The following INPP4B variants were observed in gnomAD, a reference collection of about 807,000 sequenced individuals.
INPP4B encodes the protein inositol polyphosphate 4-phosphatase type II.
Under a neutral mutation model 122.5 loss-of-function variants are expected in INPP4B, and 55 were observed. The ratio of observed to expected loss-of-function variants is 0.45; its 90% confidence interval spans 0.36 to 0.56. The LOEUF (loss-of-function observed/expected upper bound fraction) is 0.56, where lower values mean the gene tolerates loss of function less well. Among genes scored for constraint, INPP4B ranks in the 20% least tolerant of loss-of-function variants. The probability of loss-of-function intolerance (pLI) is 0.00; values close to 1 mark genes in which losing one functional copy is unlikely to be tolerated. For synonymous variants in INPP4B, 403 were observed against 388.7 expected (o/e 1.04, Z -0.43); for missense variants, 1,000 against 1,097.7 (o/e 0.91, Z 1.26).
chr4:142,147,854 G>T (rs1811626703), intron 17 of INPP4B, among the ~76,000 whole-genome samples: 1 of 152,128 alleles, frequency 6.6e-6, no homozygotes, highest in Non-Finnish European at 1.5e-5. Context: ...TCTGCCTGTT[G>T]TCTGAGAAAA....
chr4:142,205,306 C>A (rs922959764), intron 14 of INPP4B, among the ~76,000 whole-genome samples: 1 of 152,094 alleles, frequency 6.6e-6, no homozygotes, highest in African/African-American at 2.4e-5. Flanking sequence ...CCAAACAAAT[C>A]TATCTGGTTT....
rs568221959 is a variant in INPP4B, at chr4:142,623,223, A to T, written c.-191+102616T>A. 4.0e-5 allele frequency among the ~76,000 whole-genome samples: 6 copies of T among 151,886 alleles called. No homozygotes were observed. In the East Asian group the frequency reaches 7.8e-4, roughly 20 times the overall value. On this transcript the variant is annotated intron_variant, in intron 2 of 25. Coordinates refer to ENST00000262992, the MANE Select transcript of INPP4B (RefSeq NM_001101669.3). Reference sequence around the variant, plus strand: ...CTCTACTCCTATTGTACCTGCTTCAATTCAGTCTGACACCGTCCATTTCTA... The same window carrying T: ...CTCTACTCCTATTGTACCTGCTTCATTTCAGTCTGACACCGTCCATTTCTA...
chr4:142,593,775 T>A (rs1738068241), intron 2 of INPP4B, among the ~76,000 whole-genome samples: 1 of 152,078 alleles, frequency 6.6e-6, no homozygotes, highest in Admixed American at 6.6e-5. Flanking sequence ...TTTAAGAAAA[T>A]AAGCAGCATA....
intron 25 of INPP4B, among the ~76,000 whole-genome samples, chr4:142,081,024 A>G (rs933528196): frequency 6.6e-6 from 1 of 152,182 alleles, no homozygotes; most frequent in African/African-American, 2.4e-5. Flanking sequence ...AGCTCCACGG[A>G]AGAATGAAAA....
At chr4:142,034,356 C>T (rs766625852) in intron 25 of INPP4B, among the ~76,000 whole-genome samples, 36 of 152,160 alleles carry the variant, frequency 2.4e-4, no homozygotes, top group Non-Finnish European at 4.7e-4. Flanking sequence ...ATGCATAGGA[C>T]AGTCCCTGCC....
intron 7 of INPP4B, among the ~76,000 whole-genome samples, chr4:142,358,050 T>C (rs1447730384): frequency 6.6e-6 from 1 of 152,070 alleles, no homozygotes; most frequent in Non-Finnish European, 1.5e-5. Context: ...GGATATTTGA[T>C]ATGTTTCTTA....
chr4:142,585,653 A>T (rs115591570), intron 2 of INPP4B, among the ~76,000 whole-genome samples: 256 of 152,152 alleles, frequency 1.7e-3, no homozygotes, highest in African/African-American at 6.1e-3. Context: ...CTCTCAGGAA[A>T]AGTTCCAGAA....
At chr4:142,616,193 G>C (rs1451614126) in intron 2 of INPP4B, among the ~76,000 whole-genome samples, 1 of 152,122 alleles carries the variant, frequency 6.6e-6, no homozygotes, top group Non-Finnish European at 1.5e-5. Context: ...CCTCGGAATG[G>C]ATGAAATGTC....
intron 18 of INPP4B, among the ~76,000 whole-genome samples, chr4:142,127,283 A>G (rs144373487): frequency 6.6e-6 from 1 of 152,126 alleles, no homozygotes. Context: ...AACTTAAGTG[A>G]CCACATTTGT....
At chr4:142,746,407 T>C (rs919477843) in intron 1 of INPP4B, among the ~76,000 whole-genome samples, 2 of 152,138 alleles carry the variant, frequency 1.3e-5, no homozygotes, top group Non-Finnish European at 2.9e-5. Context: ...TCCATGCTCA[T>C]GGATGGGAAC....
intron 2 of INPP4B, among the ~76,000 whole-genome samples, chr4:142,660,001 C>T (rs1754873940): frequency 6.6e-6 from 1 of 151,484 alleles, no homozygotes; most frequent in Admixed American, 6.6e-5. Flanking sequence ...GGTTAAAAGG[C>T]ACCGAGCAGG....
At chr4:142,618,489 T>C (rs1744169310) in intron 2 of INPP4B, among the ~76,000 whole-genome samples, 1 of 151,972 alleles carries the variant, frequency 6.6e-6, no homozygotes, top group Admixed American at 6.6e-5. Flanking sequence ...GGAAGGCAAA[T>C]TGTCTCTTCA....
At chr4:142,335,853 G>C (rs374825577) in intron 7 of INPP4B, among the ~76,000 whole-genome samples, 1 of 152,164 alleles carries the variant, frequency 6.6e-6, no homozygotes, top group Non-Finnish European at 1.5e-5. Flanking sequence ...CAAATTCCTC[G>C]CCAGACAAGG....
At chr4:142,263,030 A>C (rs1198666477) in intron 10 of INPP4B, among the ~76,000 whole-genome samples, 1 of 152,170 alleles carries the variant, frequency 6.6e-6, no homozygotes. Flanking sequence ...CCCTTTGGTC[A>C]CTTGTGCTAC....
intron 9 of INPP4B, among the ~76,000 whole-genome samples, chr4:142,275,628 TA>T (rs1391109322): frequency 6.6e-6 from 1 of 151,884 alleles, no homozygotes; most frequent in Non-Finnish European, 1.5e-5. Flanking sequence ...TCACAGAAGT[TA>T]GATTTATATT....
chr4:142,724,649 G>C (rs914180037), intron 2 of INPP4B, among the ~76,000 whole-genome samples: 1 of 152,072 alleles, frequency 6.6e-6, no homozygotes, highest in African/African-American at 2.4e-5. Flanking sequence ...TTTCAGTATA[G>C]ATAAAACTTG....
chr4:142,160,321 C>A, intron 17 of INPP4B, 37 bp downstream of exon 17: 1 of 1,310,184 alleles, frequency 7.6e-7, no homozygotes, highest in South Asian at 2.3e-5. Context: ...TTCTCATTGC[C>A]AAACATTGAG....
chr4:142,332,252 AAT>A (rs1254793229), intron 7 of INPP4B, among the ~76,000 whole-genome samples: 1 of 152,184 alleles, frequency 6.6e-6, no homozygotes, highest in African/African-American at 2.4e-5. Context: ...AAAAAGAAAA[AAT>A]ATATGACACT....
At chr4:142,100,192 T>C (rs933078214) in intron 23 of INPP4B, among the ~76,000 whole-genome samples, 2 of 152,096 alleles carry the variant, frequency 1.3e-5, no homozygotes, top group Admixed American at 1.3e-4. Flanking sequence ...CCAGGCTAAC[T>C]TACACTTAAC....
Sources: gnomAD v4.1 joint callset for allele counts (sites outside exome capture counted in the v4.1 genomes callset) on GRCh38, gnomAD v4.1.1 for gene constraint, MANE v1.5 for transcripts, NCBI Gene and HGNC (gene_info 2026-07-23, HGNC 2026-07-21) for gene names.